Variants in MRAP2 observed in about 807,000 individuals in gnomAD.
The protein encoded by MRAP2 is melanocortin-2 receptor accessory protein 2.
MRAP2 carries 20 observed loss-of-function variants against 17.4 expected under a neutral mutation model. That is an observed-to-expected ratio of 1.15 (90% CI 0.81 to 1.67). The LOEUF (loss-of-function observed/expected upper bound fraction) is 1.67, where lower values mean the gene tolerates loss of function less well. Ranked by LOEUF, MRAP2 falls within the 40% of genes most tolerant of loss-of-function variation. MRAP2 has a pLI of 0.00. For synonymous variants in MRAP2, 96 were observed against 88.4 expected, an observed-to-expected ratio of 1.09 and a Z score of -0.48; for missense variants, 238 against 240.0, an observed-to-expected ratio of 0.99 and a Z score of 0.05.
the MRAP2 span, among the ~76,000 whole-genome samples, chr6:84,137,279 T>C: frequency 6.6e-6 from 1 of 152,324 alleles, no homozygotes; most frequent in East Asian, 1.9e-4. Flanking sequence ...CTTATGGTTG[T>C]TGTGTGACTC....
intron 3 of MRAP2, among the ~76,000 whole-genome samples, chr6:84,086,486 A>G (rs143074302): frequency 2.0e-3 from 310 of 152,338 alleles, no homozygotes; most frequent in African/African-American, 7.1e-3. Context: ...AAGTGACTCC[A>G]TATTTATTCT....
At chr6:84,114,374 A>G in the MRAP2 span, among the ~76,000 whole-genome samples, 1 of 152,052 alleles carries the variant, frequency 6.6e-6, no homozygotes, top group East Asian at 1.9e-4. Flanking sequence ...CGATTTGACT[A>G]TTGATATTTG....
the MRAP2 span, among the ~76,000 whole-genome samples, chr6:84,106,045 T>C: frequency 6.6e-6 from 1 of 152,122 alleles, no homozygotes; most frequent in Admixed American, 6.5e-5. Flanking sequence ...TATAACCTTC[T>C]TGAGAACCTT....
At chr6:84,130,374 A>G in the MRAP2 span, among the ~76,000 whole-genome samples, 16 of 152,152 alleles carry the variant, frequency 1.1e-4, no homozygotes, top group Non-Finnish European at 2.1e-4. Context: ...GGCCTCATAA[A>G]ATGAGTTAGG....
chr6:84,108,498 C>T, the MRAP2 span, among the ~76,000 whole-genome samples: 1 of 151,696 alleles, frequency 6.6e-6, no homozygotes, highest in Admixed American at 6.6e-5. Context: ...AGTGTCTGTT[C>T]ATGTCCTTTG....
chr6:84,046,116 T>C (rs891923438), intron 1 of MRAP2, among the ~76,000 whole-genome samples: 1 of 152,244 alleles, frequency 6.6e-6, no homozygotes, highest in Non-Finnish European at 1.5e-5. Context: ...CCCTCCTGTC[T>C]TGCAGAGGAC....
chr6:84,061,018 C>T (rs1399468134), intron 2 of MRAP2, among the ~76,000 whole-genome samples: 1 of 151,790 alleles, frequency 6.6e-6, no homozygotes, highest in Non-Finnish European at 1.5e-5. Flanking sequence ...TTTTTTATGC[C>T]TCATTTCTAC....
the MRAP2 span, chr6:84,126,372 CT>C: frequency 6.3e-7 from 1 of 1,578,380 alleles, no homozygotes; most frequent in Non-Finnish European, 8.6e-7. Flanking sequence ...ATGTGATTTA[CT>C]TTACCTGTTG....
At chr6:84,037,915 C>T (rs1165295877) in intron 1 of MRAP2, among the ~76,000 whole-genome samples, 1 of 152,218 alleles carries the variant, frequency 6.6e-6, no homozygotes, top group Non-Finnish European at 1.5e-5. Context: ...CTGAAGGACT[C>T]CTCAAGCATG....
chr6:84,072,816 G>C (rs771015537), intron 3 of MRAP2, among the ~76,000 whole-genome samples: 3 of 152,058 alleles, frequency 2.0e-5, no homozygotes, highest in Non-Finnish European at 4.4e-5. Context: ...GAGGATTATG[G>C]CTGCCTCTGC....
chr6:84,093,440 C>T (rs971572069), downstream of MRAP2, among the ~76,000 whole-genome samples: 4 of 152,134 alleles, frequency 2.6e-5, no homozygotes, highest in African/African-American at 7.2e-5. Flanking sequence ...AGGGTTCTAT[C>T]TGGAGTGCCA....
At chr6:84,114,908 C>A in the MRAP2 span, among the ~76,000 whole-genome samples, 10 of 152,292 alleles carry the variant, frequency 6.6e-5, no homozygotes, top group Admixed American at 2.0e-4. Flanking sequence ...GCAGAAGCTG[C>A]AGAACAGCAA....
chr6:84,144,017 T>C, the MRAP2 span, among the ~76,000 whole-genome samples: 1 of 152,006 alleles, frequency 6.6e-6, no homozygotes, highest in African/African-American at 2.4e-5. Context: ...AAGTATTGTT[T>C]CATAATGACC....
At chr6:84,094,998 C>G (rs2099502424), downstream of MRAP2, among the ~76,000 whole-genome samples, 1 of 152,194 alleles carries the variant, frequency 6.6e-6, no homozygotes, top group Non-Finnish European at 1.5e-5. Flanking sequence ...CCAGCCACTG[C>G]CCATTGCCAA....
At chr6:84,072,372 A>C (rs1010425245) in intron 3 of MRAP2, among the ~76,000 whole-genome samples, 9 of 152,144 alleles carry the variant, frequency 5.9e-5, no homozygotes, top group Admixed American at 4.6e-4. Context: ...CAGCAAGTCT[A>C]CCTGGCTCTG....
the MRAP2 span, among the ~76,000 whole-genome samples, chr6:84,098,766 C>G: frequency 2.6e-5 from 4 of 152,152 alleles, no homozygotes; most frequent in African/African-American, 9.6e-5. Flanking sequence ...TAGCAAAGTG[C>G]CTTTCAAGTC....
At chr6:84,111,262 G>A in the MRAP2 span, among the ~76,000 whole-genome samples, 2 of 152,124 alleles carry the variant, frequency 1.3e-5, no homozygotes, top group East Asian at 3.9e-4. Flanking sequence ...CCATTTGTTT[G>A]TGTCCTCTCT....
intron 1 of MRAP2, among the ~76,000 whole-genome samples, chr6:84,040,522 G>A (rs967971952): frequency 6.6e-6 from 1 of 152,148 alleles, no homozygotes; most frequent in African/African-American, 2.4e-5. Context: ...GGAATTTCCT[G>A]GAGATGTAGA....
chr6:84,098,616 C>T, the MRAP2 span, among the ~76,000 whole-genome samples: 1 of 152,258 alleles, frequency 6.6e-6, no homozygotes, highest in South Asian at 2.1e-4. Flanking sequence ...GCTCCACTTC[C>T]TTTCCAACAT....
Sources: allele counts gnomAD v4.1 joint callset (sites outside exome capture counted in the v4.1 genomes callset), GRCh38; gene constraint gnomAD v4.1.1; transcripts MANE v1.5; gene names NCBI Gene and HGNC (gene_info 2026-07-23, HGNC 2026-07-21).